Variants in SOX5 observed in about 807,000 individuals in gnomAD.
SOX5 encodes transcription factor SOX-5.
Under a neutral mutation model 92.0 loss-of-function variants are expected in SOX5, and 9 were observed. That is an observed-to-expected ratio of 0.10 (90% CI 0.06 to 0.17). The LOEUF is 0.17. SOX5 is among the 10% of genes least tolerant of loss of function. The probability of loss-of-function intolerance (pLI) is 1.00; values close to 1 mark genes in which losing one functional copy is unlikely to be tolerated. For missense variants in SOX5, 642 were observed against 944.5 expected, an observed-to-expected ratio of 0.68 and a Z score of 4.20; for synonymous variants, 344 against 336.3, an observed-to-expected ratio of 1.02 and a Z score of -0.25.
chr12:23,952,859 C>G (rs1945833434), upstream of SOX5, among the ~76,000 whole-genome samples: 1 of 152,062 alleles, frequency 6.6e-6, no homozygotes, highest in South Asian at 2.1e-4. Context: ...TAAAGTCATT[C>G]AACTGGTTAG....
In SOX5 at chr12:24,433,073, C is replaced by G. The variant is rs111539811; in HGVS notation, c.-250-64434G>C. Among the ~76,000 whole-genome samples, 97 of 151,908 alleles carry G rather than the reference C, an allele frequency of 6.4e-4. 1 individual carries two copies. The highest frequency in any genetic ancestry group is 1.9e-3 in the African/African-American group (79 of 41,412). On this transcript the variant is annotated intron_variant, in intron 1 of 4. Coordinates refer to the SOX5 transcript ENST00000446891. ...ATTTGGAATTTTCTTAAAATAAAGACCATATGCATGCTTTAAAAATTAAAA... is the reference window on the plus strand; with the variant it reads ...ATTTGGAATTTTCTTAAAATAAAGAGCATATGCATGCTTTAAAAATTAAAA...
intron 1 of SOX5, among the ~76,000 whole-genome samples, chr12:24,493,483 ATGTT>A (rs1425646484): frequency 6.6e-6 from 1 of 152,224 alleles, no homozygotes; most frequent in African/African-American, 2.4e-5. Flanking sequence ...GTAATGTAAA[ATGTT>A]AATAATAGAG....
At chr12:24,127,406 G>A (rs201835505) in intron 4 of SOX5, among the ~76,000 whole-genome samples, 3 of 147,172 alleles carry the variant, frequency 2.0e-5, no homozygotes, top group East Asian at 4.0e-4. Flanking sequence ...TAATAATAAT[G>A]ATAATAATAA....
At chr12:24,488,957 T>A (rs1471599582) in intron 1 of SOX5, among the ~76,000 whole-genome samples, 3 of 152,210 alleles carry the variant, frequency 2.0e-5, no homozygotes, top group African/African-American at 7.2e-5. Context: ...ACGGATGGAA[T>A]GATGTCCCAG....
At chr12:24,274,584 A>G (rs1944194526) in intron 3 of SOX5, among the ~76,000 whole-genome samples, 1 of 151,942 alleles carries the variant, frequency 6.6e-6, no homozygotes, top group Admixed American at 6.6e-5. Context: ...GACCCAAACA[A>G]TCTGTCTCCA....
At chr12:23,726,398 CTT>C (rs993694660) in intron 6 of SOX5, among the ~76,000 whole-genome samples, 2 of 152,064 alleles carry the variant, frequency 1.3e-5, no homozygotes, top group African/African-American at 4.8e-5. Flanking sequence ...TTTGTTAACT[CTT>C]TTCAAAGACA....
At chr12:24,316,162 A>C (rs1438013540) in intron 2 of SOX5, among the ~76,000 whole-genome samples, 1 of 152,240 alleles carries the variant, frequency 6.6e-6, no homozygotes, top group Non-Finnish European at 1.5e-5. Context: ...ACATGCCAGG[A>C]AGAAGTATCT....
intron 3 of SOX5, among the ~76,000 whole-genome samples, chr12:24,223,820 C>T (rs1191997492): frequency 1.3e-5 from 2 of 152,066 alleles, no homozygotes; most frequent in African/African-American, 4.8e-5. Context: ...CATACACACA[C>T]GAATGAGTTT....
chr12:23,771,774 C>G (rs2094943512), intron 3 of SOX5, among the ~76,000 whole-genome samples: 1 of 152,188 alleles, frequency 6.6e-6, no homozygotes, highest in Non-Finnish European at 1.5e-5. Flanking sequence ...TTCACTTTCT[C>G]TCTGCAAGTT....
At chr12:24,417,706 T>G (rs1356439982) in intron 1 of SOX5, among the ~76,000 whole-genome samples, 1 of 152,112 alleles carries the variant, frequency 6.6e-6, no homozygotes, top group East Asian at 1.9e-4. Flanking sequence ...TGAGCTGGGT[T>G]TTTAGGAGCA....
At chr12:24,264,073 TCTTTTTA>T (rs1383649181) in intron 3 of SOX5, among the ~76,000 whole-genome samples, 1 of 152,228 alleles carries the variant, frequency 6.6e-6, no homozygotes, top group Non-Finnish European at 1.5e-5. Flanking sequence ...ATGACTTTTT[TCTTTTTA>T]CTTTTAAATA....
intron 2 of SOX5, among the ~76,000 whole-genome samples, chr12:23,889,832 A>G (rs1051226451): frequency 5.3e-5 from 8 of 152,330 alleles, no homozygotes; most frequent in Middle Eastern, 3.4e-3. Context: ...GACAAAATCA[A>G]ACTAAGAGAT....
At chr12:24,289,638 G>A (rs1595222435) in intron 2 of SOX5, among the ~76,000 whole-genome samples, 1 of 140,860 alleles carries the variant, frequency 7.1e-6, no homozygotes, top group East Asian at 2.1e-4. Flanking sequence ...GTATTTTTTA[G>A]TAGAGACGGG....
intron 2 of SOX5, among the ~76,000 whole-genome samples, chr12:23,877,751 C>T (rs1437566787): frequency 6.6e-6 from 1 of 151,956 alleles, no homozygotes; most frequent in East Asian, 1.9e-4. Context: ...TTTTCTTGGA[C>T]ATTATATGAA....
chr12:23,986,200 T>A (rs1281345381), intron 4 of SOX5, among the ~76,000 whole-genome samples: 1 of 152,118 alleles, frequency 6.6e-6, no homozygotes, highest in East Asian at 1.9e-4. Flanking sequence ...ATTATCAGAG[T>A]AAGCAATAAA....
chr12:23,981,915 T>C (rs955317924), intron 4 of SOX5, among the ~76,000 whole-genome samples: 1 of 152,178 alleles, frequency 6.6e-6, no homozygotes, highest in African/African-American at 2.4e-5. Context: ...TGTGAAAATA[T>C]TGCATGTGTC....
intron 4 of SOX5, among the ~76,000 whole-genome samples, chr12:24,082,404 GAAAAAAAAA>G (rs58736325): frequency 1.4e-4 from 10 of 73,386 alleles, no homozygotes; most frequent in Admixed American, 8.9e-4. Flanking sequence ...CTTTCGAAAA[GAAAAAAAAA>G]AAAAAAAAAA....
At chr12:24,366,700 C>T (rs1366274767) in intron 2 of SOX5, among the ~76,000 whole-genome samples, 1 of 152,044 alleles carries the variant, frequency 6.6e-6, no homozygotes, top group African/African-American at 2.4e-5. Context: ...CTTTCTTTGA[C>T]CTTTCCTATC....
chr12:23,602,260 T>C (rs2074602202), intron 9 of SOX5, among the ~76,000 whole-genome samples: 1 of 152,172 alleles, frequency 6.6e-6, no homozygotes, highest in Admixed American at 6.5e-5. Context: ...TCATTCTCTT[T>C]TGCACAAAGT....
Sources: allele counts gnomAD v4.1 joint callset (sites outside exome capture counted in the v4.1 genomes callset), GRCh38; gene constraint gnomAD v4.1.1; transcripts MANE v1.5; gene names NCBI Gene and HGNC (gene_info 2026-07-23, HGNC 2026-07-21).